The following NALF1 variants were observed in gnomAD, a reference collection of about 807,000 sequenced individuals.
The protein encoded by NALF1 is family with sequence similarity 155 member A.
NALF1 carries 3 observed loss-of-function variants against 48.4 expected under a neutral mutation model. The observed-to-expected ratio is 0.06, with a 90% CI of 0.03 to 0.16. The LOEUF is 0.16. Among genes scored for constraint, NALF1 ranks in the 10% least tolerant of loss-of-function variants. The pLI is 1.00. For missense variants in NALF1, 526 were observed against 571.5 expected (o/e 0.92, Z 0.81); for synonymous variants, 262 against 245.7 (o/e 1.07, Z -0.62).
intron 2 of NALF1, among the ~76,000 whole-genome samples, chr13:107,193,367 G>A (rs1307700261): frequency 6.6e-6 from 1 of 152,108 alleles, no homozygotes; most frequent in Non-Finnish European, 1.5e-5. Flanking sequence ...CATGCGGATG[G>A]TTTGCAGTGC....
intron 1 of NALF1, among the ~76,000 whole-genome samples, chr13:107,315,832 C>T (rs1882136749): frequency 6.7e-6 from 1 of 150,118 alleles, no homozygotes; most frequent in Admixed American, 6.7e-5. Flanking sequence ...GGGCATATCT[C>T]TTTCCAATAA....
intron 1 of NALF1, among the ~76,000 whole-genome samples, chr13:107,655,511 A>T (rs1880553678): frequency 6.6e-6 from 1 of 152,032 alleles, no homozygotes; most frequent in African/African-American, 2.4e-5. Flanking sequence ...AATCATAGAC[A>T]ACACAAACAA....
intron 1 of NALF1, among the ~76,000 whole-genome samples, chr13:107,597,302 G>A (rs73595212): frequency 0.041 from 6,213 of 152,070 alleles, 207 homozygotes; most frequent in Middle Eastern, 0.099. Flanking sequence ...ACTCGCACAC[G>A]TACACACATG....
intron 1 of NALF1, among the ~76,000 whole-genome samples, chr13:107,403,049 G>T (rs1209418779): frequency 3.3e-5 from 5 of 151,878 alleles, no homozygotes; most frequent in Admixed American, 1.3e-4. Flanking sequence ...ATCAAGATGT[G>T]CCCAGGTTTG....
chr13:107,312,259 C>A (rs1012672666), intron 1 of NALF1, among the ~76,000 whole-genome samples: 3 of 152,130 alleles, frequency 2.0e-5, no homozygotes, highest in Non-Finnish European at 4.4e-5. Context: ...ATGATGATTT[C>A]ATGTCCTTTG....
intron 1 of NALF1, among the ~76,000 whole-genome samples, chr13:107,556,296 T>TACACAC (rs71121533): frequency 1.0e-4 from 10 of 98,562 alleles, no homozygotes; most frequent in African/African-American, 3.8e-4. Flanking sequence ...TATATATATA[T>TACACAC]ACACACACAC....
intron 1 of NALF1, among the ~76,000 whole-genome samples, chr13:107,259,749 C>T (rs967323397): frequency 1.3e-5 from 2 of 152,174 alleles, no homozygotes; most frequent in African/African-American, 4.8e-5. Flanking sequence ...AACCAACTGA[C>T]TAGTTTCTCA....
intron 1 of NALF1, among the ~76,000 whole-genome samples, chr13:107,353,008 G>A (rs1882903268): frequency 2.0e-5 from 3 of 151,970 alleles, no homozygotes; most frequent in Admixed American, 1.3e-4. Flanking sequence ...GACTTCCTGG[G>A]GAACTTACCT....
intron 1 of NALF1, among the ~76,000 whole-genome samples, chr13:107,345,028 A>G (rs1267423531): frequency 1.3e-5 from 2 of 152,064 alleles, no homozygotes; most frequent in African/African-American, 4.8e-5. Context: ...TTGTGTTTCT[A>G]TGTGCTAACA....
At chr13:107,452,272 CT>C (rs1276058264) in intron 1 of NALF1, among the ~76,000 whole-genome samples, 18 of 152,128 alleles carry the variant, frequency 1.2e-4, no homozygotes, top group African/African-American at 4.1e-4. Context: ...CATTTTCATA[CT>C]GCTATAAAGA....
chr13:107,601,270 G>A (rs1878918009), intron 1 of NALF1, among the ~76,000 whole-genome samples: 1 of 152,158 alleles, frequency 6.6e-6, no homozygotes, highest in South Asian at 2.1e-4. Flanking sequence ...GACCAGGATC[G>A]AGGTGGATTC....
intron 1 of NALF1, among the ~76,000 whole-genome samples, chr13:107,753,483 A>C (rs1406666504): frequency 6.6e-6 from 1 of 150,594 alleles, no homozygotes; most frequent in African/African-American, 2.4e-5. Flanking sequence ...TCATAACAAA[A>C]CCAAGGCAGT....
intron 1 of NALF1, among the ~76,000 whole-genome samples, chr13:107,382,625 T>C (rs907469378): frequency 2.6e-5 from 4 of 152,160 alleles, no homozygotes; most frequent in Non-Finnish European, 4.4e-5. Context: ...TGATCTGAGA[T>C]CCCACATGTT....
intron 1 of NALF1, among the ~76,000 whole-genome samples, chr13:107,479,303 GCAT>G (rs1240848846): frequency 6.6e-6 from 1 of 152,046 alleles, no homozygotes; most frequent in East Asian, 1.9e-4. Context: ...GAAACTCCTG[GCAT>G]CATAACTATT....
At chr13:107,755,609 C>T (rs9559149) in intron 1 of NALF1, among the ~76,000 whole-genome samples, 49,276 of 150,114 alleles carry the variant, frequency 0.33, 8,775 homozygotes, top group African/African-American at 0.45. Flanking sequence ...TATTTATCTT[C>T]TCAACTGCCA....
Position 107,170,524 on chromosome 13 carries a change from C to T in NALF1, c.1350G>A (p.Leu450=), listed in dbSNP as rs1349554381. 1 of 1,604,136 alleles carries T rather than the reference C, an allele frequency of 6.2e-7. No homozygotes were observed. The highest frequency in any genetic ancestry group is 1.3e-5 in the African/African-American group (1 of 74,784). The change falls in exon 3 of 3, where the codon CTG becomes CTA. Residue 450 remains leucine, a synonymous_variant. Transcript: ENST00000375915. ...AGLSFGGINT[L]EENSTNEE ...ACTCCTCATTGGTTGAGTTTTCTTC[C>T]AGCGTGTTGATGCCTCCAAAGCTCA...
intron 1 of NALF1, among the ~76,000 whole-genome samples, chr13:107,524,369 A>C (rs1044846026): frequency 6.6e-6 from 1 of 152,206 alleles, no homozygotes. Context: ...TTCTTTGATT[A>C]TTCGAGAAGT....
chr13:107,660,479 ACACACAAC>A (rs1414890716), intron 1 of NALF1, among the ~76,000 whole-genome samples: 1 of 84,094 alleles, frequency 1.2e-5, no homozygotes, highest in Admixed American at 1.1e-4. Flanking sequence ...ACACACACAC[ACACACAAC>A]AAAGAAACAA....
intron 1 of NALF1, among the ~76,000 whole-genome samples, chr13:107,660,748 A>G (rs1467496331): frequency 6.6e-6 from 1 of 152,006 alleles, no homozygotes; most frequent in Non-Finnish European, 1.5e-5. Flanking sequence ...CACCACCAAG[A>G]GTAAGCCCTA....
Sources: gnomAD v4.1 joint callset for allele counts (sites outside exome capture counted in the v4.1 genomes callset) on GRCh38, gnomAD v4.1.1 for gene constraint, MANE v1.5 for transcripts, NCBI Gene and HGNC (gene_info 2026-07-23, HGNC 2026-07-21) for gene names.